The following TSTD2 variants were observed in gnomAD, a reference collection of about 807,000 sequenced individuals.
The protein encoded by TSTD2 is thiosulfate sulfurtransferase/rhodanese-like domain-containing protein 2.
TSTD2 carries 37 observed loss-of-function variants against 47.9 expected under a neutral mutation model. The ratio of observed to expected loss-of-function variants is 0.77; its 90% CI spans 0.59 to 1.02. TSTD2 has a LOEUF of 1.02. TSTD2 is among the 50% of genes least tolerant of loss of function. TSTD2 has a pLI of 0.00. For synonymous variants in TSTD2, 201 were observed against 215.9 expected, an observed-to-expected ratio of 0.93 and a Z score of 0.61; for missense variants, 586 against 616.0, an observed-to-expected ratio of 0.95 and a Z score of 0.52.
intron 3 of TSTD2, among the ~76,000 whole-genome samples, chr9:97,619,521 T>C (rs1212465202): frequency 6.6e-6 from 1 of 152,104 alleles, no homozygotes; most frequent in Non-Finnish European, 1.5e-5. Flanking sequence ...TCTTTTTTTT[T>C]TGTAGGGCAG....
At position 97,600,355 on chromosome 9, in the gene TSTD2, A is replaced by G; in HGVS notation, c.*2114T>C. On this transcript the variant is annotated 3_prime_UTR_variant, in exon 10 of 10. Transcript: ENST00000341170. ...AATGGTGAAATTTCAAGTTTCAAAA[A>G]CCAACCTTTCATTACCAATCCCAGG... The G allele has an allele frequency of 5.1e-6, 5 of 986,166 alleles. No homozygotes were observed. The highest frequency in any genetic ancestry group is 6.0e-6 in the Non-Finnish European group (5 of 830,218). The allele number at this position is 986,166 out of a possible 1,614,324, so 61.1% of individuals were successfully genotyped here. A position where few individuals can be genotyped will look rare whatever the true frequency, so the allele number is the denominator to read the frequency against.
intron 7 of TSTD2, 51 bp downstream of exon 7, chr9:97,606,092 G>A: frequency 7.8e-7 from 1 of 1,285,772 alleles, no homozygotes. Context: ...CCACACTGTG[G>A]GAATGGGGAG....
chr9:97,607,798 G>T lies in TSTD2; in HGVS notation c.836-1537C>A, dbSNP rs900347659. ...CATTCCTTTAGCTCCCAGCTACTCA[G>T]TAGGCTGAGGCAGGAGAACTACACA... On this transcript the variant is annotated intron_variant, in intron 6 of 9. Transcript: ENST00000341170. 2.6e-5 allele frequency among the ~76,000 whole-genome samples: 4 copies of T among 152,272 alleles called. No individual in the cohort carries two copies. In the South Asian group the frequency reaches 8.3e-4, roughly 32 times the overall value.
At chr9:97,618,132 C>G (rs968008454) in intron 3 of TSTD2, among the ~76,000 whole-genome samples, 6 of 152,200 alleles carry the variant, frequency 3.9e-5, no homozygotes, top group Non-Finnish European at 5.9e-5. Context: ...ATGGTCACAT[C>G]CAAGAGACAG....
At chr9:97,605,382 G>C in intron 8 of TSTD2, 101 bp downstream of exon 8, 1 of 1,452,662 alleles carries the variant, frequency 6.9e-7, no homozygotes, top group East Asian at 2.3e-5. Context: ...TGGCTGCCTG[G>C]GGGTGGGGAG....
intron 1 of TSTD2, among the ~76,000 whole-genome samples, chr9:97,628,966 T>C (rs1282080426): frequency 6.6e-6 from 1 of 152,204 alleles, no homozygotes; most frequent in Non-Finnish European, 1.5e-5. Flanking sequence ...GTCCCTGTTG[T>C]GCCCTGTCCA....
At chr9:97,631,377 T>A (rs1408733893) in intron 1 of TSTD2, among the ~76,000 whole-genome samples, 1 of 151,970 alleles carries the variant, frequency 6.6e-6, no homozygotes, top group African/African-American at 2.4e-5. Flanking sequence ...CACCTCGGAC[T>A]CCCAAAGTGC....
Position 97,600,328 on chromosome 9 carries a change from C to A in TSTD2, c.*2141G>T, listed in dbSNP as rs1014445395. ...ATATGCAGAAATGATAGGAAAAAAA[C>A]CAATGGTGAAATTTCAAGTTTCAAA... On this transcript the variant is annotated 3_prime_UTR_variant, in exon 10 of 10. Transcript: ENST00000341170. 62 of 985,892 alleles carry A rather than the reference C, an allele frequency of 6.3e-5. No individual in the cohort carries two copies. In the Admixed American group the frequency reaches 8.6e-4, roughly 14 times the overall value. The allele number at this position is 985,892 out of a possible 1,614,324, so 61.1% of individuals were successfully genotyped here.
intron 3 of TSTD2, among the ~76,000 whole-genome samples, chr9:97,618,975 CAT>C (rs1271985701): frequency 2.6e-5 from 4 of 152,170 alleles, no homozygotes; most frequent in Admixed American, 1.3e-4. Flanking sequence ...CTAATTGCCT[CAT>C]GTGTCTTTTT....
chr9:97,605,401 G>A lies in TSTD2; in HGVS notation c.1113+82C>T, dbSNP rs1260836077. The A allele has an allele frequency of 1.0e-5, 16 of 1,555,882 alleles. No homozygotes were observed. In the Middle Eastern group the frequency reaches 1.4e-3, roughly 137 times the overall value. On this transcript the variant is annotated intron_variant, in intron 8 of 9. Coordinates refer to ENST00000341170, the MANE Select transcript of TSTD2 (RefSeq NM_139246.5). ...TGCCTGGGGGTGGGGAGTACTGGGG[G>A]CAGCGGACAGCTCCACGTAAGCTGC...
Position 97,601,169 on chromosome 9 carries a change from AT to A in TSTD2, c.*1299del, listed in dbSNP as rs1826250029. 1 of 1,300,514 alleles carries A rather than the reference AT, an allele frequency of 7.7e-7. No individual in the cohort carries two copies. The highest frequency in any genetic ancestry group is 1.0e-6 in the Non-Finnish European group (1 of 987,604). 80.6% of individuals were successfully genotyped at this position (1,300,514 alleles called of 1,614,324 possible). ...CCATGTTGCAGGGACAACCATCCCC[AT>A]TTGGCTTCTCCTTAAAACACAATTG... On this transcript the variant is annotated 3_prime_UTR_variant, in exon 10 of 10. Transcript: ENST00000341170.
At chr9:97,611,480 C>T (rs1826458321) in intron 5 of TSTD2, 94 bp downstream of exon 5, 23 of 1,386,280 alleles carry the variant, frequency 1.7e-5, no homozygotes, top group Non-Finnish European at 2.1e-5. Context: ...TTATTTGGCA[C>T]TGCTTATTTC....
chr9:97,616,074 CTT>C (rs1826536787), intron 4 of TSTD2, among the ~76,000 whole-genome samples: 2 of 152,102 alleles, frequency 1.3e-5, no homozygotes, highest in African/African-American at 4.8e-5. Flanking sequence ...GGAAAGGTCT[CTT>C]TGAGGAAGTG....
Position 97,610,349 on chromosome 9 carries a change from G to C in TSTD2, c.832C>G (p.Pro278Ala). The C allele has an allele frequency of 1.2e-6, 2 of 1,602,976 alleles. No individual in the cohort carries two copies. Among genetic ancestry groups the C allele is most frequent in the African/African-American group, 1.3e-5 (1 of 74,338 alleles). The change falls in exon 6 of 10, where the codon CCT (proline) becomes GCT (alanine). Residue 278 changes from proline to alanine, a missense_variant. Coordinates refer to ENST00000341170, the MANE Select transcript of TSTD2 (RefSeq NM_139246.5). Reference protein sequence around the residue: ...ISPKKISYKKPGIHLSPGEFH... With the variant: ...ISPKKISYKKAGIHLSPGEFH... The stretch of plus-strand genomic sequence containing the variant: ...AATCTTCTAAAAGCAAGCATACCAG[G>C]CTTCTTGTAGGAGATCTTTTTGGGG...
intron 4 of TSTD2, among the ~76,000 whole-genome samples, chr9:97,616,060 G>A (rs183924576): frequency 3.9e-5 from 6 of 152,210 alleles, no homozygotes; most frequent in Non-Finnish European, 7.4e-5. Context: ...AATTTAGATT[G>A]ACAGGAAAGG....
chr9:97,604,518 C>A, intron 9 of TSTD2: 1 of 637,460 alleles, frequency 1.6e-6, no homozygotes, highest in South Asian at 2.3e-5. Flanking sequence ...AATGGTGAAG[C>A]CAGGATCCCA....
At position 97,608,167 on chromosome 9, in the gene TSTD2, A is replaced by G. The variant is rs564183081; in HGVS notation, c.836-1906T>C. Among the ~76,000 whole-genome samples, 13 of 152,298 alleles carry G rather than the reference A, an allele frequency of 8.5e-5. No homozygotes were observed. In the South Asian group the frequency reaches 2.7e-3, roughly 32 times the overall value. On this transcript the variant is annotated intron_variant, in intron 6 of 9. Transcript: ENST00000341170. ...CACTGCACCCCAACCTGAGCAACAG[A>G]GTGAGACTCCATCTCAAACAAACAA...
Position 97,600,981 on chromosome 9 carries a change from CAAG to C in TSTD2, c.*1485_*1487del, listed in dbSNP as rs370250180. 48 of 1,205,984 alleles carry C rather than the reference CAAG, an allele frequency of 4.0e-5. No homozygotes were observed. In the African/African-American group the frequency reaches 6.9e-4, roughly 17 times the overall value. 74.7% of individuals were successfully genotyped at this position (1,205,984 alleles called of 1,614,324 possible). On this transcript the variant is annotated 3_prime_UTR_variant, in exon 10 of 10. Coordinates refer to ENST00000341170, the MANE Select transcript of TSTD2 (RefSeq NM_139246.5). Reference sequence around the variant, plus strand: ...CAAATCTCATGATAAAGGACAAGGTCAAGAACTCCAGAGCACTGAGCAGAGAGG... The same window carrying C: ...CAAATCTCATGATAAAGGACAAGGTCAACTCCAGAGCACTGAGCAGAGAGG...
At chr9:97,611,468 A>G (rs896201167) in intron 5 of TSTD2, 106 bp downstream of exon 5, 13 of 1,273,534 alleles carry the variant, frequency 1.0e-5, no homozygotes, top group Non-Finnish European at 1.3e-5. Context: ...GGGAAAGGGT[A>G]TTTATTTGGC....
Sources: allele counts gnomAD v4.1 joint callset (sites outside exome capture counted in the v4.1 genomes callset), GRCh38; gene constraint gnomAD v4.1.1; transcripts MANE v1.5; gene names NCBI Gene and HGNC (gene_info 2026-07-23, HGNC 2026-07-21).